The following OSBPL8 variants were observed in gnomAD, a reference collection of about 807,000 sequenced individuals.
OSBPL8 encodes oxysterol binding protein like 8, also known as oxysterol-binding protein-related protein 8.
In OSBPL8, 59 loss-of-function variants were observed where a neutral mutation model predicts 125.5. The observed-to-expected ratio is 0.47, with a 90% CI of 0.38 to 0.58. The LOEUF is 0.58. Among genes scored for constraint, OSBPL8 ranks in the 20% least tolerant of loss-of-function variants. OSBPL8 has a pLI of 0.00. For synonymous variants in OSBPL8, 330 were observed against 338.9 expected (o/e 0.97, Z 0.29); for missense variants, 758 against 1,047.8 (o/e 0.72, Z 3.82).
At chr12:76,533,765 T>A (rs1434274854) in intron 1 of OSBPL8, among the ~76,000 whole-genome samples, 5 of 152,114 alleles carry the variant, frequency 3.3e-5, no homozygotes, top group Admixed American at 3.3e-4. Context: ...GTGATTTCAG[T>A]AGGAAAAAAA....
chr12:76,527,574 G>A (rs534247003), intron 1 of OSBPL8, among the ~76,000 whole-genome samples: 6 of 152,168 alleles, frequency 3.9e-5, no homozygotes, highest in African/African-American at 4.8e-5. Context: ...AGAGCTCTAC[G>A]GGTAGTTCTT....
intron 1 of OSBPL8, among the ~76,000 whole-genome samples, chr12:76,525,799 A>C (rs548576824): frequency 6.6e-6 from 1 of 152,244 alleles, no homozygotes; most frequent in East Asian, 1.9e-4. Context: ...TAAAAAAACA[A>C]AGGGAAAACT....
chr12:76,461,475 G>C (rs938528004), intron 2 of OSBPL8, among the ~76,000 whole-genome samples: 1 of 152,078 alleles, frequency 6.6e-6, no homozygotes, highest in African/African-American at 2.4e-5. Flanking sequence ...TTTTGAGGTA[G>C]AGTCTCGCTC....
chr12:76,492,035 T>A (rs971362712), intron 1 of OSBPL8, among the ~76,000 whole-genome samples: 2 of 152,058 alleles, frequency 1.3e-5, no homozygotes, highest in African/African-American at 4.8e-5. Context: ...GAGCCTATAT[T>A]CTGGAAGGGG....
intron 12 of OSBPL8, 84 bp downstream of exon 12, chr12:76,389,561 A>T: frequency 8.6e-7 from 1 of 1,164,764 alleles, no homozygotes; most frequent in Non-Finnish European, 1.2e-6. Context: ...GATTTTGGAA[A>T]CAAACGATAA....
At chr12:76,520,697 AT>A (rs1881990296) in intron 1 of OSBPL8, among the ~76,000 whole-genome samples, 1 of 152,170 alleles carries the variant, frequency 6.6e-6, no homozygotes, top group African/African-American at 2.4e-5. Context: ...TGCATAGTAA[AT>A]GTGTTCCATC....
intron 1 of OSBPL8, among the ~76,000 whole-genome samples, chr12:76,503,482 G>A (rs1880106269): frequency 6.6e-6 from 1 of 152,166 alleles, no homozygotes; most frequent in Non-Finnish European, 1.5e-5. Context: ...CTGAGGTGCT[G>A]GAAGTTCAAA....
In OSBPL8 at chr12:76,355,776, G is replaced by A. The variant is rs887974573; in HGVS notation, c.*113C>T. ...TCAATACCTCTACATTTATCTCCTA[G>A]GTTTTTTTGTTTTCGGAATATTGTG... On this transcript the variant is annotated 3_prime_UTR_variant, in exon 24 of 24. Transcript: ENST00000261183. 3.9e-5 allele frequency: 46 copies of A among 1,186,622 alleles called. No homozygotes were observed. Among genetic ancestry groups the A allele is most frequent in the Non-Finnish European group, 5.2e-5 (45 of 857,870 alleles). The allele number at this position is 1,186,622 out of a possible 1,614,324, so 73.5% of individuals were successfully genotyped here.
intron 1 of OSBPL8, among the ~76,000 whole-genome samples, chr12:76,492,437 A>C (rs1878816711): frequency 6.6e-6 from 1 of 152,154 alleles, no homozygotes; most frequent in African/African-American, 2.4e-5. Context: ...AGGTGTTTCC[A>C]ATGCATGGGC....
chr12:76,443,634 CAGT>C, intron 4 of OSBPL8, among the ~76,000 whole-genome samples: 1 of 152,230 alleles, frequency 6.6e-6, no homozygotes, highest in East Asian at 1.9e-4. Flanking sequence ...TCAGTCTCCC[CAGT>C]AGCTGGGACT....
intron 2 of OSBPL8, chr12:76,486,070 C>A (rs778755006): frequency 7.2e-6 from 3 of 418,864 alleles, no homozygotes; most frequent in South Asian, 3.5e-5. Context: ...TGACAACAGC[C>A]TTCTTCATAA....
At chr12:76,396,336 A>G (rs560956024) in intron 8 of OSBPL8, among the ~76,000 whole-genome samples, 84 of 152,178 alleles carry the variant, frequency 5.5e-4, no homozygotes, top group Non-Finnish European at 1.1e-3. Flanking sequence ...CCGCCCAAGA[A>G]AAAAGGATTA....
At chr12:76,358,908 T>A (rs1952094052) in intron 21 of OSBPL8, 97 bp from the exon 22 acceptor site, 2 of 839,290 alleles carry the variant, frequency 2.4e-6, no homozygotes, top group Middle Eastern at 2.6e-4. Context: ...ATAGGCATGA[T>A]ATTCAGAAAT....
intron 2 of OSBPL8, among the ~76,000 whole-genome samples, chr12:76,470,055 T>G (rs1465129874): frequency 1.3e-5 from 2 of 152,234 alleles, no homozygotes; most frequent in Admixed American, 1.3e-4. Context: ...AGATTCACTA[T>G]CAGTTTTTGG....
intron 1 of OSBPL8, among the ~76,000 whole-genome samples, chr12:76,504,948 G>A (rs887613994): frequency 1.4e-4 from 21 of 152,048 alleles, no homozygotes; most frequent in African/African-American, 4.1e-4. Flanking sequence ...TCACCCAGGC[G>A]TGGACTCAGC....
chr12:76,499,684 C>T (rs979086442), intron 1 of OSBPL8, among the ~76,000 whole-genome samples: 1 of 152,130 alleles, frequency 6.6e-6, no homozygotes, highest in African/African-American at 2.4e-5. Flanking sequence ...AACCTCGTCT[C>T]TACTAAAAAT....
chr12:76,455,121 T>C (rs1873876294), intron 3 of OSBPL8, among the ~76,000 whole-genome samples: 1 of 151,902 alleles, frequency 6.6e-6, no homozygotes, highest in Non-Finnish European at 1.5e-5. Flanking sequence ...TGGGCACCTG[T>C]AGTCCCAGCT....
At chr12:76,434,789 AAC>A (rs1468947210) in intron 4 of OSBPL8, among the ~76,000 whole-genome samples, 1 of 152,238 alleles carries the variant, frequency 6.6e-6, no homozygotes, top group Non-Finnish European at 1.5e-5. Flanking sequence ...TCATCAGGGA[AAC>A]ACAAGTCAAA....
chr12:76,355,381 T>C lies in OSBPL8; in HGVS notation c.*508A>G, dbSNP rs1230273481. ...ATAATTGAGCTGAGTGCTTTGCAAA[T>C]GATTTTAACAGTAGTGTATTGAATT... On this transcript the variant is annotated 3_prime_UTR_variant, in exon 24 of 24. Coordinates refer to ENST00000261183, the MANE Select transcript of OSBPL8 (RefSeq NM_020841.5). 2 of 152,022 alleles carry C rather than the reference T, an allele frequency of 1.3e-5. No homozygotes were observed. The highest frequency in any genetic ancestry group is 4.8e-5 in the African/African-American group (2 of 41,292). 9.4% of individuals were successfully genotyped at this position (152,022 alleles called of 1,614,324 possible).
Sources: allele counts gnomAD v4.1 joint callset (sites outside exome capture counted in the v4.1 genomes callset), GRCh38; gene constraint gnomAD v4.1.1; transcripts MANE v1.5; gene names NCBI Gene and HGNC (gene_info 2026-07-23, HGNC 2026-07-21).